The following SMAD2 variants were observed in gnomAD, a reference collection of about 807,000 sequenced individuals.
SMAD2 encodes MAD homolog 2.
In SMAD2, 8 loss-of-function variants were observed where a neutral mutation model predicts 64.4. The ratio of observed to expected loss-of-function variants is 0.12; its 90% CI spans 0.07 to 0.22. The LOEUF (loss-of-function observed/expected upper bound fraction) is 0.22, where lower values mean the gene tolerates loss of function less well. Ranked by LOEUF, SMAD2 falls within the 10% of genes least tolerant of loss-of-function variation. The probability of loss-of-function intolerance (pLI) is 1.00; values close to 1 mark genes in which losing one functional copy is unlikely to be tolerated. For synonymous variants in SMAD2, 203 were observed against 195.8 expected, an observed-to-expected ratio of 1.04 and a Z score of -0.31; for missense variants, 289 against 561.2, an observed-to-expected ratio of 0.51 and a Z score of 4.90.
In SMAD2 at chr18:47,841,016, T is replaced by G. The variant is rs1341551965; in HGVS notation, c.*811A>C. 4.3e-6 allele frequency: 1 copy of G among 232,502 alleles called. No homozygotes were observed. The highest frequency in any genetic ancestry group is 8.5e-6 in the Non-Finnish European group (1 of 117,652). The allele number at this position is 232,502 out of a possible 1,614,324, so 14.4% of individuals were successfully genotyped here. The stretch of plus-strand genomic sequence containing the variant: ...TCCCAGAATTAACTGGTGCCAGCAG[T>G]ATCAATGCAACTATTACTGGTGATG... On this transcript the variant is annotated 3_prime_UTR_variant, in exon 11 of 11. Coordinates refer to ENST00000262160, the MANE Select transcript of SMAD2 (RefSeq NM_005901.6).
chr18:47,896,880 G>C, intron 1 of SMAD2, 71 bp from the exon 2 acceptor site: 2 of 1,376,954 alleles, frequency 1.5e-6, no homozygotes, highest in South Asian at 2.5e-5. Flanking sequence ...ACTTATCATA[G>C]AAAGCAAACT....
chr18:47,917,421 C>T (rs1209622058), intron 1 of SMAD2, among the ~76,000 whole-genome samples: 2 of 152,016 alleles, frequency 1.3e-5, no homozygotes, highest in African/African-American at 4.8e-5. Context: ...AATTTTTGTT[C>T]TCCTTTAGCC....
chr18:47,850,630 ATAT>A (rs1915338043), intron 7 of SMAD2, among the ~76,000 whole-genome samples: 1 of 55,686 alleles, frequency 1.8e-5, no homozygotes, highest in African/African-American at 8.9e-5. Context: ...TATTATATAT[ATAT>A]TATATATATT....
Position 47,851,204 on chromosome 18 carries a change from A to G in SMAD2, c.784+70T>C. 8 of 1,078,224 alleles carry G rather than the reference A, an allele frequency of 7.4e-6. No homozygotes were observed. The South Asian group carries it at 1.0e-4, about 14-fold the overall frequency. The allele number at this position is 1,078,224 out of a possible 1,614,324, so 66.8% of individuals were successfully genotyped here. A position where few individuals can be genotyped will look rare whatever the true frequency, so the allele number is the denominator to read the frequency against. On this transcript the variant is annotated intron_variant, in intron 7 of 10. Transcript: ENST00000262160. ...CTCGGATATATAAAAAATAACTCCT[A>G]GAGATGATTTTTATTATTAAGTAGG...
chr18:47,871,121 C>G (rs1263533687), intron 2 of SMAD2, among the ~76,000 whole-genome samples: 1 of 152,110 alleles, frequency 6.6e-6, no homozygotes, highest in Non-Finnish European at 1.5e-5. Flanking sequence ...TAGTATACCA[C>G]CTTAAAAATT....
Position 47,859,759 on chromosome 18 carries a change from T to C in SMAD2, c.730+5300A>G, listed in dbSNP as rs556066150. Among the ~76,000 whole-genome samples the C allele has an allele frequency of 2.6e-5, 4 of 152,066 alleles. No individual in the cohort carries two copies. In the South Asian group the frequency reaches 8.3e-4, roughly 32 times the overall value. ...AATGAAAAGTAAGCAGACAAAAAGA[T>C]GAATACAAACAAAACAGAAAAGAGA... On this transcript the variant is annotated intron_variant, in intron 6 of 10. Coordinates refer to ENST00000262160, the MANE Select transcript of SMAD2 (RefSeq NM_005901.6).
chr18:47,896,899 A>G (rs1357744307), intron 1 of SMAD2, 90 bp from the exon 2 acceptor site: 1 of 1,231,504 alleles, frequency 8.1e-7, no homozygotes, highest in African/African-American at 1.5e-5. Context: ...CTGCAAAGCA[A>G]GATAGAAATT....
chr18:47,868,282 G>A lies in SMAD2; in HGVS notation c.655+41C>T, dbSNP rs72661146. The A allele has an allele frequency of 6.6e-3, 10,219 of 1,557,138 alleles. 56 individuals carry two copies. The highest frequency in any genetic ancestry group is 9.7e-3 in the East Asian group (433 of 44,574). On this transcript the variant is annotated intron_variant, in intron 5 of 10. Coordinates refer to ENST00000262160, the MANE Select transcript of SMAD2 (RefSeq NM_005901.6). ...ACTTGAATGCTTATGAACAAAATTT[G>A]TATCTATCCAAGTTTTAGGAGATTC...
In SMAD2 at chr18:47,845,777, T is replaced by G. The variant is rs774455933; in HGVS notation, c.1021A>C (p.Ile341Leu). Residue 341 changes from isoleucine (I) to leucine (L), a missense_variant, in exon 9 of 11, where the codon ATA becomes CTA. Around this residue, in one of 6 missense-constraint regions of SMAD2, gnomAD observed 49 missense variants for 101.1 expected, o/e 0.48. Coordinates refer to ENST00000262160, the MANE Select transcript of SMAD2 (RefSeq NM_005901.6). ...CACTCAGCAAAAACTTCCCCACCTATGTAGTATAAGCGCACTCCTCTTCCT... is the reference window on the plus strand; with the variant it reads ...CACTCAGCAAAAACTTCCCCACCTAGGTAGTATAAGCGCACTCCTCTTCCT... ...HIGRGVRLYY[I>L]GGEVFAECLS... is the part of the protein sequence containing the mutation. The G allele has an allele frequency of 6.2e-7, 1 of 1,613,798 alleles. No individual in the cohort carries two copies. Among genetic ancestry groups the G allele is most frequent in the Admixed American group, 1.7e-5 (1 of 60,004 alleles).
In SMAD2 at chr18:47,816,042, G is replaced by C. The variant is rs989746134; in HGVS notation, c.*25785C>G. The C allele has an allele frequency of 5.3e-5, 8 of 152,202 alleles. No individual in the cohort carries two copies. Among genetic ancestry groups the C allele is most frequent in the African/African-American group, 1.7e-4 (7 of 41,430 alleles). 9.4% of individuals were successfully genotyped at this position (152,202 alleles called of 1,614,324 possible). On this transcript the variant is annotated 3_prime_UTR_variant, in exon 11 of 11. Transcript: ENST00000262160. ...GGCAGTGAGGGAGGAGGTTGAGAAT[G>C]AAAGTTCTGGAGAGTCACCTAAGAG...
chr18:47,903,368 G>C (rs182816805), intron 1 of SMAD2, among the ~76,000 whole-genome samples: 123 of 151,552 alleles, frequency 8.1e-4, no homozygotes, highest in African/African-American at 2.9e-3. Flanking sequence ...TAGAGAAAGA[G>C]GGGGTGGGGG....
At chr18:47,842,993 T>C (rs890257713) in intron 10 of SMAD2, among the ~76,000 whole-genome samples, 1 of 152,204 alleles carries the variant, frequency 6.6e-6, no homozygotes, top group African/African-American at 2.4e-5. Flanking sequence ...TATCAACTCT[T>C]CATCTCCAAG....
At chr18:47,857,400 T>A (rs1392909082) in intron 6 of SMAD2, among the ~76,000 whole-genome samples, 1 of 152,224 alleles carries the variant, frequency 6.6e-6, no homozygotes, top group African/African-American at 2.4e-5. Flanking sequence ...CCAATTTTTC[T>A]ATGAGAGCAT....
At chr18:47,883,697 T>C (rs2032737705) in intron 2 of SMAD2, among the ~76,000 whole-genome samples, 1 of 152,206 alleles carries the variant, frequency 6.6e-6, no homozygotes, top group Non-Finnish European at 1.5e-5. Context: ...TTTAGATATA[T>C]CACTTTACAA....
rs1380762092 is a variant in SMAD2 at position 47,930,598 on chromosome 18, G to C, written c.-291C>G. On this transcript the variant is annotated 5_prime_UTR_variant, in exon 1 of 11. Coordinates refer to ENST00000262160, the MANE Select transcript of SMAD2 (RefSeq NM_005901.6). The stretch of plus-strand genomic sequence containing the variant: ...GAGAGGGGAGGGGAGGGGAGGAGAG[G>C]GAAGGGGAGGGGAGGGAGCCTGGCC... 1 of 149,764 alleles carries C rather than the reference G, an allele frequency of 6.7e-6. No homozygotes were observed. The highest frequency in any genetic ancestry group is 1.5e-5 in the Non-Finnish European group (1 of 67,262). The allele number at this position is 149,764 out of a possible 1,614,324, so 9.3% of individuals were successfully genotyped here. A position where few individuals can be genotyped will look rare whatever the true frequency, so the allele number is the denominator to read the frequency against.
rs1913472155 is a variant in SMAD2, at chr18:47,836,982, CTT to C, written c.*4843_*4844del. Reference sequence around the variant, plus strand: ...CACACACTATCATTATTCTGACTGTCTTAAATACAACAATCCAATATGCCCCA... The same window carrying C: ...CACACACTATCATTATTCTGACTGTCAAATACAACAATCCAATATGCCCCA... On this transcript the variant is annotated 3_prime_UTR_variant, in exon 11 of 11. Coordinates refer to ENST00000262160, the MANE Select transcript of SMAD2 (RefSeq NM_005901.6). 2 of 212,466 alleles carry C rather than the reference CTT, an allele frequency of 9.4e-6. No homozygotes were observed. Among genetic ancestry groups the C allele is most frequent in the African/African-American group, 2.3e-5 (1 of 44,226 alleles). 13.2% of individuals were successfully genotyped at this position (212,466 alleles called of 1,614,324 possible). A position where few individuals can be genotyped will look rare whatever the true frequency, so the allele number is the denominator to read the frequency against.
At chr18:47,892,493 C>T (rs1377755770) in intron 2 of SMAD2, among the ~76,000 whole-genome samples, 1 of 152,166 alleles carries the variant, frequency 6.6e-6, no homozygotes, top group Non-Finnish European at 1.5e-5. Context: ...AGCCACCATG[C>T]CTAGTTATGT....
At chr18:47,842,470 G>A (rs1914059187) in intron 10 of SMAD2, among the ~76,000 whole-genome samples, 1 of 152,018 alleles carries the variant, frequency 6.6e-6, no homozygotes. Context: ...AACCCAAGAG[G>A]CAGAGGCTGC....
chr18:47,907,183 C>A (rs1205582458), intron 1 of SMAD2, among the ~76,000 whole-genome samples: 1 of 152,144 alleles, frequency 6.6e-6, no homozygotes, highest in Non-Finnish European at 1.5e-5. Context: ...ATCACACATT[C>A]AGGAAAAATA....
Sources: allele counts gnomAD v4.1 joint callset (sites outside exome capture counted in the v4.1 genomes callset), GRCh38; gene constraint gnomAD v4.1.1; regional missense constraint gnomAD v4.1.1; transcripts MANE v1.5; gene names NCBI Gene and HGNC (gene_info 2026-07-23, HGNC 2026-07-21).